SPATA16: variants seen among roughly 807,000 people sequenced by gnomAD.
SPATA16 encodes spermatogenesis associated 16.
Under a neutral mutation model 63.3 loss-of-function variants are expected in SPATA16, and 36 were observed. That is an observed-to-expected ratio of 0.57 (90% CI 0.44 to 0.75). SPATA16 has a LOEUF of 0.75. SPATA16 is among the 30% of genes least tolerant of loss of function. SPATA16 has a pLI of 0.00. For synonymous variants in SPATA16, 203 were observed against 216.7 expected, an observed-to-expected ratio of 0.94 and a Z score of 0.56; for missense variants, 646 against 679.3, an observed-to-expected ratio of 0.95 and a Z score of 0.54.
At chr3:173,082,469 T>A (rs1250734427) in intron 2 of SPATA16, among the ~76,000 whole-genome samples, 1 of 152,226 alleles carries the variant, frequency 6.6e-6, no homozygotes, top group Non-Finnish European at 1.5e-5. Flanking sequence ...TTTTCTTGTA[T>A]GTGCCTGGAC....
chr3:173,061,191 C>T (rs943464968), intron 2 of SPATA16, among the ~76,000 whole-genome samples: 4 of 152,168 alleles, frequency 2.6e-5, no homozygotes, highest in Non-Finnish European at 5.9e-5. Context: ...CCACCTTGGA[C>T]ATGATAAATG....
intron 3 of SPATA16, 55 bp downstream of exon 3, chr3:173,048,894 T>C: frequency 6.3e-7 from 1 of 1,598,448 alleles, no homozygotes; most frequent in Middle Eastern, 1.7e-4. Context: ...GCTCAGATAG[T>C]ACCCTCCACT....
intron 4 of SPATA16, 43 bp from the exon 5 acceptor site, chr3:172,977,095 A>G (rs755075142): frequency 1.1e-5 from 16 of 1,514,400 alleles, no homozygotes; most frequent in Admixed American, 3.4e-5. Flanking sequence ...AAACAAATGT[A>G]TAGGACAGAA....
chr3:172,964,765 G>T (rs1733873181), intron 5 of SPATA16, among the ~76,000 whole-genome samples: 1 of 152,186 alleles, frequency 6.6e-6, no homozygotes, highest in African/African-American at 2.4e-5. Flanking sequence ...TAATGGCAGG[G>T]TTGGGACAAA....
intron 2 of SPATA16, among the ~76,000 whole-genome samples, chr3:173,107,583 T>A (rs1326864992): frequency 6.6e-6 from 1 of 152,170 alleles, no homozygotes; most frequent in Non-Finnish European, 1.5e-5. Flanking sequence ...AAGAGTTACA[T>A]AATTTAGTAG....
chr3:173,073,418 A>G (rs922635455), intron 2 of SPATA16, among the ~76,000 whole-genome samples: 2 of 152,238 alleles, frequency 1.3e-5, no homozygotes, highest in Admixed American at 6.5e-5. Context: ...AAATGGTTTT[A>G]TGGGCTGGGC....
chr3:172,980,590 G>C (rs950064832), intron 4 of SPATA16, among the ~76,000 whole-genome samples: 2 of 151,946 alleles, frequency 1.3e-5, no homozygotes, highest in African/African-American at 2.4e-5. Flanking sequence ...GCACTTTATG[G>C]AGCAGAGTGT....
At chr3:172,913,610 G>T in intron 10 of SPATA16, 51 bp downstream of exon 10, 1 of 1,560,338 alleles carries the variant, frequency 6.4e-7, no homozygotes, top group Non-Finnish European at 8.8e-7. Flanking sequence ...ACCCAAAATG[G>T]ACATTTTCTT....
At chr3:173,030,087 TATCTATC>T (rs1560101807) in intron 3 of SPATA16, among the ~76,000 whole-genome samples, 3 of 151,374 alleles carry the variant, frequency 2.0e-5, no homozygotes, top group African/African-American at 7.3e-5. Flanking sequence ...TCTATCTATC[TATCTATC>T]TATCTATCTA....
At chr3:172,922,361 C>A in intron 8 of SPATA16, among the ~76,000 whole-genome samples, 1 of 152,162 alleles carries the variant, frequency 6.6e-6, no homozygotes, top group East Asian at 1.9e-4. Flanking sequence ...TATGAGAAGA[C>A]TGAGTTATTA....
chr3:173,119,854 A>G (rs1391521525), intron 1 of SPATA16, among the ~76,000 whole-genome samples: 1 of 128,170 alleles, frequency 7.8e-6, no homozygotes, highest in Admixed American at 8.1e-5. Flanking sequence ...TTGGGAGGCC[A>G]AGGCAGGTGG....
intron 3 of SPATA16, among the ~76,000 whole-genome samples, chr3:173,038,236 G>T (rs913350223): frequency 6.6e-6 from 1 of 151,946 alleles, no homozygotes; most frequent in African/African-American, 2.4e-5. Context: ...CTTGCTACTT[G>T]TAACCTTGTA....
intron 10 of SPATA16, among the ~76,000 whole-genome samples, chr3:172,905,439 T>G (rs1377277357): frequency 6.6e-6 from 1 of 152,158 alleles, no homozygotes; most frequent in African/African-American, 2.4e-5. Context: ...CTGGAAGGAT[T>G]TGGGCTTAAA....
intron 1 of SPATA16, among the ~76,000 whole-genome samples, chr3:173,130,383 A>AG (rs1738345575): frequency 6.7e-6 from 1 of 149,862 alleles, no homozygotes; most frequent in African/African-American, 2.5e-5. Context: ...AAAAAAAAAA[A>AG]GAAATTCTAT....
chr3:173,018,786 T>G (rs754113110), intron 4 of SPATA16, among the ~76,000 whole-genome samples: 1 of 152,074 alleles, frequency 6.6e-6, no homozygotes, highest in Admixed American at 6.6e-5. Flanking sequence ...GAGGAAGAAA[T>G]AACAGGCACC....
At chr3:172,975,575 G>A (rs775948351) in intron 5 of SPATA16, among the ~76,000 whole-genome samples, 9 of 152,038 alleles carry the variant, frequency 5.9e-5, no homozygotes, top group African/African-American at 1.4e-4. Context: ...ATTTTTAAAC[G>A]ACTATTTAGT....
intron 3 of SPATA16, among the ~76,000 whole-genome samples, chr3:173,047,264 T>C (rs1315896918): frequency 6.6e-6 from 1 of 151,844 alleles, no homozygotes; most frequent in Non-Finnish European, 1.5e-5. Context: ...TTAATAACAT[T>C]GAATTAATTA....
intron 6 of SPATA16, among the ~76,000 whole-genome samples, chr3:172,951,292 CAGAAA>C (rs946744487): frequency 6.6e-6 from 1 of 151,884 alleles, no homozygotes; most frequent in African/African-American, 2.4e-5. Flanking sequence ...ATTCCTGAAA[CAGAAA>C]AGGATGCACA....
At chr3:173,005,327 G>GAAAAAAA (rs531594936) in intron 4 of SPATA16, among the ~76,000 whole-genome samples, 12 of 78,518 alleles carry the variant, frequency 1.5e-4, no homozygotes, top group East Asian at 6.8e-4. Flanking sequence ...TGTCTCAAAA[G>GAAAAAAA]AAAAAAAAAA....
Sources: gnomAD v4.1 joint callset for allele counts (sites outside exome capture counted in the v4.1 genomes callset) on GRCh38, gnomAD v4.1.1 for gene constraint, MANE v1.5 for transcripts, NCBI Gene and HGNC (gene_info 2026-07-23, HGNC 2026-07-21) for gene names.